The following ETV1 variants were observed in gnomAD, a reference collection of about 807,000 sequenced individuals.
ETV1 encodes ETS translocation variant 1.
In ETV1, 27 loss-of-function variants were observed where a neutral mutation model predicts 62.3. The ratio of observed to expected loss-of-function variants is 0.43; its 90% CI spans 0.32 to 0.60. The LOEUF (loss-of-function observed/expected upper bound fraction) is 0.60. ETV1 is among the 20% of genes least tolerant of loss of function. ETV1 has a pLI of 0.06. For missense variants in ETV1, 605 were observed against 605.8 expected (o/e 1.00, Z 0.01); for synonymous variants, 222 against 199.6 (o/e 1.11, Z -0.94).
At chr7:13,918,521 A>C (rs1784450220) in intron 9 of ETV1, among the ~76,000 whole-genome samples, 1 of 152,090 alleles carries the variant, frequency 6.6e-6, no homozygotes, top group Non-Finnish European at 1.5e-5. Flanking sequence ...AAAATGTGGC[A>C]CATATACATC....
At chr7:13,942,250 C>T (rs1031250649) in intron 6 of ETV1, among the ~76,000 whole-genome samples, 1 of 152,022 alleles carries the variant, frequency 6.6e-6, no homozygotes, top group Admixed American at 6.6e-5. Flanking sequence ...GTCTCGATCT[C>T]CTGACCTCGT....
chr7:13,984,929 T>TAAAAAAAAA lies in ETV1; in HGVS notation c.181+1700_181+1708dup, dbSNP rs67286902. On this transcript the variant is annotated intron_variant, in intron 5 of 13. Coordinates refer to ENST00000430479, the MANE Select transcript of ETV1 (RefSeq NM_004956.5). ...GACACAAAACAAGTAAGTCAAAAGT[T>TAAAAAAAAA]AAAAAAAAAGTACTGAAACTGATTA... Among the ~76,000 whole-genome samples, 863 of 148,974 alleles carry TAAAAAAAAA rather than the reference T, an allele frequency of 5.8e-3. 8 individuals carry two copies. Among genetic ancestry groups the TAAAAAAAAA allele is most frequent in the African/African-American group, 0.02 (825 of 40,626 alleles).
chr7:13,913,436 C>G (rs150690577), intron 9 of ETV1, among the ~76,000 whole-genome samples: 1 of 152,282 alleles, frequency 6.6e-6, no homozygotes, highest in African/African-American at 2.4e-5. Context: ...ACATCTCTAA[C>G]TCCCAACTTC....
chr7:13,899,377 G>A (rs1450755837), intron 13 of ETV1, among the ~76,000 whole-genome samples: 2 of 152,172 alleles, frequency 1.3e-5, no homozygotes, highest in Non-Finnish European at 2.9e-5. Flanking sequence ...GAAAATCGAA[G>A]TCAGCCTTTT....
At chr7:13,987,230 A>T (rs1452391794) in intron 4 of ETV1, among the ~76,000 whole-genome samples, 1 of 152,034 alleles carries the variant, frequency 6.6e-6, no homozygotes, top group Non-Finnish European at 1.5e-5. Context: ...TTCTACATTA[A>T]TAGGTTTATA....
chr7:13,931,161 T>G (rs1293730099), intron 9 of ETV1, among the ~76,000 whole-genome samples: 1 of 152,114 alleles, frequency 6.6e-6, no homozygotes, highest in Non-Finnish European at 1.5e-5. Flanking sequence ...ACATTTTTAT[T>G]AAGTAGCACT....
chr7:13,903,701 T>G (rs1237183688), intron 12 of ETV1, among the ~76,000 whole-genome samples: 2 of 146,556 alleles, frequency 1.4e-5, no homozygotes, highest in East Asian at 4.1e-4. Context: ...AGGCAGAGAT[T>G]GCAGTGAGCC....
At chr7:13,912,599 G>C (rs920933466) in intron 9 of ETV1, among the ~76,000 whole-genome samples, 1 of 152,084 alleles carries the variant, frequency 6.6e-6, no homozygotes, top group Non-Finnish European at 1.5e-5. Flanking sequence ...AGCAATGGAT[G>C]GCAATTTAGA....
chr7:13,896,688 A>AAGAGAGAG (rs1781814299), intron 13 of ETV1, among the ~76,000 whole-genome samples: 1 of 134,394 alleles, frequency 7.4e-6, no homozygotes, highest in Non-Finnish European at 1.6e-5. Context: ...AGAAAGAAAG[A>AAGAGAGAG]AAAGAGAGAG....
At chr7:13,907,875 T>C (rs1326819278) in intron 11 of ETV1, 5 of 469,574 alleles carry the variant, frequency 1.1e-5, no homozygotes, top group Non-Finnish European at 1.8e-5. Context: ...AAATATAAAA[T>C]GTGTGAGTCA....
At chr7:13,986,732 A>G (rs3213661) in intron 4 of ETV1, 47 bp from the exon 5 acceptor site, 997,287 of 1,365,522 alleles carry the variant, frequency 0.73, 366,491 homozygotes, top group African/African-American at 0.94. Context: ...CAAATCTTTA[A>G]TCTTCATTAA....
intron 6 of ETV1, among the ~76,000 whole-genome samples, chr7:13,964,116 G>A (rs1378598152): frequency 6.6e-6 from 1 of 152,166 alleles, no homozygotes; most frequent in African/African-American, 2.4e-5. Context: ...TGGCCCCAGT[G>A]CCAAGGACTA....
intron 5 of ETV1, among the ~76,000 whole-genome samples, chr7:13,983,549 A>G (rs569615618): frequency 2.0e-4 from 30 of 151,854 alleles, no homozygotes; most frequent in Non-Finnish European, 4.0e-4. Flanking sequence ...AAGAATCAAT[A>G]AAGAATTGCA....
chr7:13,955,818 G>A (rs1049149088), intron 6 of ETV1, among the ~76,000 whole-genome samples: 2 of 151,642 alleles, frequency 1.3e-5, no homozygotes, highest in African/African-American at 4.9e-5. Flanking sequence ...TAATTTTTGT[G>A]ATTTCTTAAA....
chr7:13,919,433 T>C (rs1229886110), intron 9 of ETV1, among the ~76,000 whole-genome samples: 1 of 150,494 alleles, frequency 6.6e-6, no homozygotes, highest in Admixed American at 6.6e-5. Flanking sequence ...TTAAAGAGAA[T>C]AGTTAAATGA....
intron 6 of ETV1, among the ~76,000 whole-genome samples, chr7:13,953,393 C>T (rs1789049367): frequency 6.6e-6 from 1 of 152,090 alleles, no homozygotes; most frequent in Non-Finnish European, 1.5e-5. Context: ...TTAAGCCCTG[C>T]AAAGTTCCAA....
rs746893880 is a variant in ETV1 at position 13,892,528 on chromosome 7, G to A, written c.*3338C>T. 6.0e-5 allele frequency: 14 copies of A among 232,514 alleles called. No individual in the cohort carries two copies. The highest frequency in any genetic ancestry group is 1.8e-4 in the African/African-American group (8 of 45,232). The allele number at this position is 232,514 out of a possible 1,614,324, so 14.4% of individuals were successfully genotyped here. ...CTTTGCTACACAGTCTTCCTCCTCCGTGCGGTGTTCTGAATAACAGCCCTG... is the reference window on the plus strand; with the variant it reads ...CTTTGCTACACAGTCTTCCTCCTCCATGCGGTGTTCTGAATAACAGCCCTG... On this transcript the variant is annotated 3_prime_UTR_variant, in exon 14 of 14. Coordinates refer to ENST00000430479, the MANE Select transcript of ETV1 (RefSeq NM_004956.5).
rs141141556 is a variant in ETV1 at position 13,959,415 on chromosome 7, A to C, written c.235+18012T>G. Among the ~76,000 whole-genome samples, 604 of 152,268 alleles carry C rather than the reference A, an allele frequency of 4.0e-3. 2 individuals are homozygous for C. Among genetic ancestry groups the C allele is most frequent in the Non-Finnish European group, 6.2e-3 (421 of 68,032 alleles). ...TATGCTTCCCCTTCTTCCATACTTC[A>C]CAGTATGCTTTTAGAAGGCAGGAAT... On this transcript the variant is annotated intron_variant, in intron 6 of 13. Transcript: ENST00000430479.
intron 6 of ETV1, among the ~76,000 whole-genome samples, chr7:13,968,999 A>T (rs1167009096): frequency 1.3e-5 from 2 of 152,164 alleles, no homozygotes; most frequent in Non-Finnish European, 2.9e-5. Flanking sequence ...ACAATCAAGT[A>T]CCAAACTAAA....
Sources: gnomAD v4.1 joint callset for allele counts (sites outside exome capture counted in the v4.1 genomes callset) on GRCh38, gnomAD v4.1.1 for gene constraint, MANE v1.5 for transcripts, NCBI Gene and HGNC (gene_info 2026-07-23, HGNC 2026-07-21) for gene names.